The following KLHL17 variants were observed in gnomAD, a reference collection of about 807,000 sequenced individuals.
The protein encoded by KLHL17 is kelch like family member 17.
In KLHL17, 71 loss-of-function variants were observed where a neutral mutation model predicts 64.6. That is an observed-to-expected ratio of 1.10 (90% CI 0.91 to 1.34). The LOEUF (loss-of-function observed/expected upper bound fraction) is 1.34, where lower values mean the gene tolerates loss of function less well. Among genes scored for constraint, KLHL17 ranks in the 40% most tolerant of loss-of-function variants. The pLI, the probability that KLHL17 is intolerant of heterozygous loss-of-function variation, is 0.00. For missense variants in KLHL17, 1,140 were observed against 935.0 expected (o/e 1.22, Z -2.86); for synonymous variants, 612 against 405.4 (o/e 1.51, Z -6.12).
intron 4 of KLHL17, 26 bp downstream of exon 4, chr1:962,073 G>GT: frequency 1.3e-6 from 2 of 1,559,848 alleles, no homozygotes; most frequent in Non-Finnish European, 1.7e-6. Context: ...CCCAGCCCTC[G>GT]CCCCCCACCC....
chr1:961,217 G>T, intron 1 of KLHL17, 76 bp from the exon 2 acceptor site: 1 of 1,128,868 alleles, frequency 8.9e-7, no homozygotes, highest in Non-Finnish European at 1.1e-6. Context: ...CCCGCGGGCT[G>T]CCCGGGCCCC....
intron 4 of KLHL17, 151 bp downstream of exon 4, chr1:962,198 C>G: frequency 7.6e-7 from 1 of 1,321,798 alleles, no homozygotes; most frequent in Non-Finnish European, 1.1e-6. Context: ...GATCTGGGCC[C>G]CCCAGGAGCC....
At position 962,710 on chromosome 1, in the gene KLHL17, A is replaced by G. The variant is rs748911329; in HGVS notation, c.835A>G (p.Lys279Glu). Residue 279 changes from lysine (K) to glutamate (E), a missense_variant, in exon 6 of 12, where the codon AAG becomes GAG. Coordinates refer to ENST00000338591, the MANE Select transcript of KLHL17 (RefSeq NM_198317.3). ...GGCGTTCCCTGCACCCCAGCTCATG[A>G]AGTGTGTGCGGCTGCCCTTGCTGAG... ...ARRQHVPRLM[K>E]CVRLPLLSRD... is the part of the protein sequence containing the mutation. 2.5e-6 allele frequency: 4 copies of G among 1,597,212 alleles called. No homozygotes were observed. The highest frequency in any genetic ancestry group is 3.4e-6 in the Non-Finnish European group (4 of 1,174,816).
rs761842849 is a variant in KLHL17 at position 961,813 on chromosome 1, C to A, written c.490-13C>A. Reference sequence around the variant, plus strand: ...CCCTGTGCCTCCCTCACCTGCCTCTCGGTGCCCCGTAGACTCTGCTCCCAG... The same window carrying A: ...CCCTGTGCCTCCCTCACCTGCCTCTAGGTGCCCCGTAGACTCTGCTCCCAG... On this transcript the variant is annotated splice_polypyrimidine_tract_variant and intron_variant, in intron 3 of 11. Coordinates refer to ENST00000338591, the MANE Select transcript of KLHL17 (RefSeq NM_198317.3). 1 of 1,610,240 alleles carries A rather than the reference C, an allele frequency of 6.2e-7. No homozygotes were observed. Among genetic ancestry groups the A allele is most frequent in the Non-Finnish European group, 8.5e-7 (1 of 1,179,630 alleles).
intron 5 of KLHL17, 84 bp from the exon 6 acceptor site, chr1:962,620 T>C (rs1642709836): frequency 7.2e-6 from 11 of 1,522,942 alleles, no homozygotes; most frequent in Non-Finnish European, 9.7e-6. Flanking sequence ...ACACAGGTGG[T>C]ACGGGCATCT....
Position 963,376 on chromosome 1 carries a change from C to T in KLHL17, c.1227C>T (p.Tyr409=), listed in dbSNP as rs763618676. 1.3e-5 allele frequency: 21 copies of T among 1,612,504 alleles called. No homozygotes were observed. In the East Asian group the frequency reaches 3.3e-4, roughly 26 times the overall value. Residue 409 remains tyrosine, a synonymous_variant, in exon 8 of 12, where the codon TAC becomes TAT. Coordinates refer to ENST00000338591, the MANE Select transcript of KLHL17 (RefSeq NM_198317.3). Reference sequence around the variant, plus strand: ...CAGACCTGGCTACCGTGGAGTCCTACGACCCCGTGACTAACACGTGGCAGC... The same window carrying T: ...CAGACCTGGCTACCGTGGAGTCCTATGACCCCGTGACTAACACGTGGCAGC... The part of the protein sequence containing the change: ...GTSDLATVES[Y]DPVTNTWQPE...
At position 961,675 on chromosome 1, in the gene KLHL17, C is replaced by A. The variant is rs373376698; in HGVS notation, c.414C>A (p.Ile138=). 2 of 1,612,558 alleles carry A rather than the reference C, an allele frequency of 1.2e-6. No homozygotes were observed. The highest frequency in any genetic ancestry group is 1.7e-6 in the Non-Finnish European group (2 of 1,179,664). Residue 138 remains isoleucine, a synonymous_variant, in exon 3 of 12, where the codon ATC becomes ATA. Coordinates refer to ENST00000338591, the MANE Select transcript of KLHL17 (RefSeq NM_198317.3). ...SRQTHVTLHD[I]DPQALDQLVQ... is the part of the protein sequence containing the mutation. ...AGACCCACGTGACGCTGCACGACAT[C>A]GACCCTCAGGCCTTGGACCAGCTGG...
In KLHL17 at chr1:960,592, G is replaced by A; in HGVS notation, c.-102G>A. The A allele has an allele frequency of 1.9e-6, 2 of 1,043,512 alleles. No individual in the cohort carries two copies. The highest frequency in any genetic ancestry group is 2.4e-6 in the Non-Finnish European group (2 of 836,752). The allele number at this position is 1,043,512 out of a possible 1,614,324, so 64.6% of individuals were successfully genotyped here. A position where few individuals can be genotyped will look rare whatever the true frequency, so the allele number is the denominator to read the frequency against. On this transcript the variant is annotated 5_prime_UTR_variant, in exon 1 of 12. Coordinates refer to ENST00000338591, the MANE Select transcript of KLHL17 (RefSeq NM_198317.3). ...CTGCGGGCGGGAGCGGCGGGAGTGA[G>A]CGACACAGAGCGGGCCGCCACCGCC...
intron 6 of KLHL17, 65 bp downstream of exon 6, chr1:962,982 C>G: frequency 1.3e-6 from 2 of 1,511,462 alleles, no homozygotes; most frequent in Non-Finnish European, 1.8e-6. Context: ...ACAAGCCCAC[C>G]CCACCTGTGC....
At chr1:961,151 C>T (rs1349488324) in intron 1 of KLHL17, 142 bp from the exon 2 acceptor site, 2 of 498,088 alleles carry the variant, frequency 4.0e-6, no homozygotes, top group Non-Finnish European at 5.6e-6. Context: ...GGCGGGGGTC[C>T]TTGGCGGAGG....
At chr1:963,546 T>C (rs777044810) in intron 8 of KLHL17, 42 bp downstream of exon 8, 5 of 1,557,390 alleles carry the variant, frequency 3.2e-6, no homozygotes, top group East Asian at 2.3e-5. Context: ...ACAGTCCATC[T>C]GCAAGAGGCA....
Position 961,345 on chromosome 1 carries a change from G to T in KLHL17, c.160G>T (p.Glu54Ter). 6.4e-7 allele frequency: 1 copy of T among 1,572,158 alleles called. No individual in the cohort carries two copies. The highest frequency in any genetic ancestry group is 8.6e-7 in the Non-Finnish European group (1 of 1,162,936). The change falls in exon 2 of 12, where the codon GAG (glutamate) becomes TAG (stop). Residue 54 changes from glutamate to a stop codon, truncating the protein, a stop_gained. Transcript: ENST00000338591. LOFTEE classifies it high-confidence loss of function. The part of the protein sequence containing the change: ...PRQARPAAPM[E>*]GAVQLLSREG... ...GCAGGCTCGGCCCGCAGCCCCCATG[G>T]AGGGAGCCGTGCAGCTGCTGAGCCG...
intron 1 of KLHL17, 117 bp downstream of exon 1, chr1:960,917 C>G (rs1642610205): frequency 1.3e-6 from 1 of 769,904 alleles, no homozygotes; most frequent in Admixed American, 6.2e-5. Flanking sequence ...GAGGTCGGGA[C>G]TCAGGTGCGG....
chr1:961,418 C>T lies in KLHL17; in HGVS notation c.233C>T (p.Ala78Val), dbSNP rs1481407626. 1.9e-6 allele frequency: 3 copies of T among 1,611,642 alleles called. No individual in the cohort carries two copies. The highest frequency in any genetic ancestry group is 2.5e-6 in the Non-Finnish European group (3 of 1,179,604). The change falls in exon 2 of 12, where the codon GCC becomes GTC. Residue 78 changes from alanine (A) to valine (V), a missense_variant. Physicochemically the swap from Ala to Val is moderately conservative, Grantham distance 64. Transcript: ENST00000338591. ...AACTCCAAGCGGCACTACCACGATG[C>T]CTTCGTGGCCATGAGCCGCATGCGC... Reference protein sequence around the residue: ...AHNSKRHYHDAFVAMSRMRQR... With the variant: ...AHNSKRHYHDVFVAMSRMRQR...
In KLHL17 at chr1:961,677, A is replaced by G; in HGVS notation, c.416A>G (p.Asp139Gly). The G allele has an allele frequency of 1.2e-6, 2 of 1,612,470 alleles. No individual in the cohort carries two copies. Among genetic ancestry groups the G allele is most frequent in the Non-Finnish European group, 1.7e-6 (2 of 1,179,648 alleles). ...ACCCACGTGACGCTGCACGACATCG[A>G]CCCTCAGGCCTTGGACCAGCTGGTG... Reference protein sequence around the residue: ...RQTHVTLHDIDPQALDQLVQF... With the variant: ...RQTHVTLHDIGPQALDQLVQF... Residue 139 changes from aspartate to glycine, a missense_variant, in exon 3 of 12, where the codon GAC (aspartate) becomes GGC (glycine). Asp to Gly is a moderately conservative substitution (Grantham distance 94). Coordinates refer to ENST00000338591, the MANE Select transcript of KLHL17 (RefSeq NM_198317.3).
chr1:961,793 T>C (rs1458709807), intron 3 of KLHL17, 33 bp from the exon 4 acceptor site: 3 of 1,611,286 alleles, frequency 1.9e-6, no homozygotes, highest in South Asian at 2.2e-5. Flanking sequence ...CCCGACCCTG[T>C]GCCTCCCTCA....
At chr1:962,219 C>T (rs1642689926) in intron 4 of KLHL17, 136 bp from the exon 5 acceptor site, 13 of 1,439,304 alleles carry the variant, frequency 9.0e-6, no homozygotes, top group African/African-American at 2.8e-5. Context: ...TCGTCTGTGG[C>T]TCCTGACTCT....
intron 1 of KLHL17, 64 bp from the exon 2 acceptor site, chr1:961,229 C>G: frequency 8.3e-7 from 1 of 1,202,596 alleles, no homozygotes. Context: ...CCGGGCCCCC[C>G]AGCGGCTCCA....
At position 963,461 on chromosome 1, in the gene KLHL17, C is replaced by T. The variant is rs1394069192; in HGVS notation, c.1312C>T (p.Leu438=). 1.9e-6 allele frequency: 3 copies of T among 1,611,508 alleles called. No homozygotes were observed. The highest frequency in any genetic ancestry group is 3.3e-5 in the Admixed American group (2 of 59,972). Residue 438 remains leucine, a synonymous_variant, in exon 8 of 12, where the codon CTG becomes TTG. Transcript: ENST00000338591. ...CLGVAALHGL[L]YSAGGYDGAS... The stretch of plus-strand genomic sequence containing the variant: ...GGGTGTGGCCGCCTTGCATGGACTC[C>T]TGTACTCGGCCGGCGGCTATGACGG...
Sources: gnomAD v4.1 joint callset for allele counts on GRCh38, gnomAD v4.1.1 for gene constraint, MANE v1.5 for transcripts, NCBI Gene and HGNC (gene_info 2026-07-23, HGNC 2026-07-21) for gene names.